The following TSPAN14 variants were observed in gnomAD, a reference collection of about 807,000 sequenced individuals.
TSPAN14 encodes tetraspanin-14.
A neutral mutation model predicts 36.6 loss-of-function variants in TSPAN14; 16 were observed. That is an observed-to-expected ratio of 0.44 (90% CI 0.30 to 0.66). TSPAN14 has a LOEUF of 0.66. Ranked by LOEUF, TSPAN14 falls within the 30% of genes least tolerant of loss-of-function variation. TSPAN14 has a pLI of 0.12. For missense variants in TSPAN14, 231 were observed against 355.1 expected (o/e 0.65, Z 2.81); for synonymous variants, 139 against 143.8 (o/e 0.97, Z 0.24).
chr10:80,469,196 A>G (rs527615011), intron 1 of TSPAN14, among the ~76,000 whole-genome samples: 361 of 152,130 alleles, frequency 2.4e-3, no homozygotes, highest in Non-Finnish European at 3.7e-3. Flanking sequence ...TCCTGGGTGA[A>G]AGGGCAGCCC....
At chr10:80,516,299 C>T (rs1298107167) in exon 8 of TSPAN14, 1 of 1,614,240 alleles carries the variant, frequency 6.2e-7, no homozygotes, top group Admixed American at 1.7e-5. Context: ...TGGCTGGCGT[C>T]TTCATCGCCA....
chr10:80,494,112 C>G (rs1487332584), intron 2 of TSPAN14, among the ~76,000 whole-genome samples: 1 of 152,192 alleles, frequency 6.6e-6, no homozygotes, highest in Non-Finnish European at 1.5e-5. Context: ...ACAGGAAAGT[C>G]CTTTGCTTGC....
intron 2 of TSPAN14, among the ~76,000 whole-genome samples, chr10:80,495,581 GA>G (rs1848157488): frequency 6.6e-6 from 1 of 152,152 alleles, no homozygotes. Context: ...AAGGTGCTCT[GA>G]GATTATTGCC....
At chr10:80,469,233 C>G (rs1181078517) in intron 1 of TSPAN14, among the ~76,000 whole-genome samples, 1 of 152,238 alleles carries the variant, frequency 6.6e-6, no homozygotes, top group Non-Finnish European at 1.5e-5. Flanking sequence ...TCTGGTGCCA[C>G]TTGCCCTGCC....
intron 2 of TSPAN14, among the ~76,000 whole-genome samples, chr10:80,492,687 G>A (rs557077301): frequency 2.0e-5 from 3 of 152,214 alleles, no homozygotes; most frequent in South Asian, 4.2e-4. Context: ...GTGGTGGTGG[G>A]CACCTGTAGC....
chr10:80,484,412 CCT>C (rs894545789), intron 1 of TSPAN14, among the ~76,000 whole-genome samples: 64 of 152,066 alleles, frequency 4.2e-4, no homozygotes, highest in African/African-American at 1.4e-3. Flanking sequence ...ACAGCCTGGA[CCT>C]CCCAGGCTCA....
intron 1 of TSPAN14, among the ~76,000 whole-genome samples, chr10:80,462,014 A>G (rs781649534): frequency 2.0e-5 from 3 of 151,844 alleles, no homozygotes; most frequent in Non-Finnish European, 4.4e-5. Flanking sequence ...TCCTGGCTCA[A>G]GTGATCCTCC....
intron 1 of TSPAN14, among the ~76,000 whole-genome samples, chr10:80,467,392 T>C (rs766189827): frequency 2.6e-5 from 4 of 152,314 alleles, no homozygotes; most frequent in Non-Finnish European, 5.9e-5. Context: ...TCAGTATTCT[T>C]TCTGGGAAAA....
chr10:80,470,579 T>C (rs988881268), intron 1 of TSPAN14, among the ~76,000 whole-genome samples: 5 of 152,276 alleles, frequency 3.3e-5, no homozygotes, highest in South Asian at 2.1e-4. Context: ...AACTCTCTTA[T>C]GTAGTTTCTT....
At chr10:80,496,883 A>G (rs1260695392) in intron 2 of TSPAN14, among the ~76,000 whole-genome samples, 1 of 151,870 alleles carries the variant, frequency 6.6e-6, no homozygotes, top group Non-Finnish European at 1.5e-5. Context: ...ACATATTTGC[A>G]ATACTTGTTT....
intron 3 of TSPAN14, among the ~76,000 whole-genome samples, chr10:80,505,706 A>C (rs1840254068): frequency 6.6e-6 from 1 of 152,214 alleles, no homozygotes; most frequent in East Asian, 1.9e-4. Context: ...CCTTTGCCCC[A>C]GTGACCCAGA....
At chr10:80,469,936 C>T in intron 1 of TSPAN14, among the ~76,000 whole-genome samples, 1 of 152,056 alleles carries the variant, frequency 6.6e-6, no homozygotes. Context: ...GTCCTGTCTC[C>T]AAGGGAGATT....
intron 2 of TSPAN14, among the ~76,000 whole-genome samples, chr10:80,496,859 C>T (rs1848223246): frequency 6.6e-6 from 1 of 151,900 alleles, no homozygotes; most frequent in South Asian, 2.1e-4. Flanking sequence ...TTATATTTTC[C>T]TTTAAATTCC....
At chr10:80,497,631 C>G (rs1675925244) in intron 2 of TSPAN14, among the ~76,000 whole-genome samples, 2 of 152,208 alleles carry the variant, frequency 1.3e-5, no homozygotes, top group Admixed American at 1.3e-4. Flanking sequence ...GGGGTTCCCT[C>G]TCTCCTGGGG....
At chr10:80,473,953 C>G (rs537057379) in intron 1 of TSPAN14, among the ~76,000 whole-genome samples, 2 of 152,094 alleles carry the variant, frequency 1.3e-5, no homozygotes, top group Non-Finnish European at 2.9e-5. Context: ...TAGTGATTCT[C>G]TCTCCTACTG....
intron 1 of TSPAN14, among the ~76,000 whole-genome samples, chr10:80,469,082 A>T (rs1048533057): frequency 1.3e-5 from 2 of 151,998 alleles, no homozygotes; most frequent in African/African-American, 4.8e-5. Flanking sequence ...GATGTCTTGG[A>T]AATGGAGCTA....
chr10:80,481,360 C>G (rs1002710187), intron 1 of TSPAN14, among the ~76,000 whole-genome samples: 5 of 152,136 alleles, frequency 3.3e-5, no homozygotes, highest in Non-Finnish European at 5.9e-5. Context: ...ATTTAGACAA[C>G]TGACATCAAA....
At chr10:80,485,427 G>A (rs753366355) in intron 1 of TSPAN14, among the ~76,000 whole-genome samples, 5 of 152,146 alleles carry the variant, frequency 3.3e-5, no homozygotes, top group Non-Finnish European at 5.9e-5. Flanking sequence ...TAGTAGCTCC[G>A]TTGGTGGCTC....
At chr10:80,496,693 T>C (rs1848215972) in intron 2 of TSPAN14, among the ~76,000 whole-genome samples, 1 of 152,262 alleles carries the variant, frequency 6.6e-6, no homozygotes, top group East Asian at 1.9e-4. Flanking sequence ...TTAGTTTCCA[T>C]AGCTTTGTCT....
Sources: gnomAD v4.1 joint callset for allele counts (sites outside exome capture counted in the v4.1 genomes callset) on GRCh38, gnomAD v4.1.1 for gene constraint, MANE v1.5 for transcripts, NCBI Gene and HGNC (gene_info 2026-07-23, HGNC 2026-07-21) for gene names.